Variants in ADAM22 observed in about 807,000 individuals in gnomAD.
The protein encoded by ADAM22 is ADAM metallopeptidase domain 22, also known as disintegrin and metalloproteinase domain-containing protein 22.
In ADAM22, 65 loss-of-function variants were observed where a neutral mutation model predicts 144.6. That is an observed-to-expected ratio of 0.45 (90% confidence interval 0.37 to 0.55). The LOEUF (loss-of-function observed/expected upper bound fraction) is 0.55. Among genes scored for constraint, ADAM22 ranks in the 20% least tolerant of loss-of-function variants. The probability of loss-of-function intolerance (pLI) is 0.00; values close to 1 mark genes in which losing one functional copy is unlikely to be tolerated. For missense variants in ADAM22, 974 were observed against 1,184.9 expected, an observed-to-expected ratio of 0.82 and a Z score of 2.61; for synonymous variants, 391 against 412.6, an observed-to-expected ratio of 0.95 and a Z score of 0.63.
At chr7:88,125,773 G>C (rs138665210) in intron 8 of ADAM22, 114 bp downstream of exon 8, 649 of 847,088 alleles carry the variant, frequency 7.7e-4, no homozygotes, top group Non-Finnish European at 1.0e-3. Context: ...GAATTTGTCA[G>C]GGTGTGATAA....
intron 3 of ADAM22, among the ~76,000 whole-genome samples, chr7:88,069,837 C>T (rs953705282): frequency 1.3e-5 from 2 of 152,122 alleles, no homozygotes; most frequent in South Asian, 2.1e-4. Context: ...AATAGCTACT[C>T]GGCAGTCACT....
intron 6 of ADAM22, among the ~76,000 whole-genome samples, chr7:88,116,323 TATACCA>T (rs1179424275): frequency 8.5e-5 from 13 of 152,180 alleles, no homozygotes; most frequent in Non-Finnish European, 4.4e-5. Flanking sequence ...GACATTTACT[TATACCA>T]GGCATCCTGC....
At chr7:88,074,916 A>G (rs1451211620) in intron 3 of ADAM22, among the ~76,000 whole-genome samples, 1 of 152,160 alleles carries the variant, frequency 6.6e-6, no homozygotes, top group African/African-American at 2.4e-5. Flanking sequence ...CAACACTAGA[A>G]ATTTATAGCT....
intron 7 of ADAM22, among the ~76,000 whole-genome samples, chr7:88,117,617 G>C (rs891351556): frequency 6.6e-6 from 1 of 151,920 alleles, no homozygotes; most frequent in Non-Finnish European, 1.5e-5. Context: ...ACAGCACACT[G>C]AATATCTTTA....
At chr7:88,037,567 C>T (rs998765472) in intron 3 of ADAM22, among the ~76,000 whole-genome samples, 4 of 152,098 alleles carry the variant, frequency 2.6e-5, no homozygotes, top group Non-Finnish European at 5.9e-5. Context: ...ACCTAATTTC[C>T]ATTAGGTCTG....
chr7:88,179,686 C>G lies in ADAM22; in HGVS notation c.2495+557C>G, dbSNP rs759647312. On this transcript the variant is annotated intron_variant, in intron 27 of 31. Transcript: ENST00000413139. ...TAATATATTATTTATGTCTTAGACA[C>G]TGATGCTATATTCTTATTCTAGCAT... 4.7e-4 allele frequency among the ~76,000 whole-genome samples: 71 copies of G among 152,008 alleles called. 3 individuals carry two copies. The highest frequency in any genetic ancestry group is 4.8e-5 in the African/African-American group (2 of 41,416).
At chr7:88,110,771 C>T (rs2129488192) in intron 5 of ADAM22, among the ~76,000 whole-genome samples, 1 of 43,850 alleles carries the variant, frequency 2.3e-5, no homozygotes, top group African/African-American at 8.7e-5. Context: ...CTGTCAGAGT[C>T]TCACTCTGTC....
At chr7:88,076,836 A>C (rs1814664467) in intron 4 of ADAM22, among the ~76,000 whole-genome samples, 1 of 152,200 alleles carries the variant, frequency 6.6e-6, no homozygotes, top group African/African-American at 2.4e-5. Context: ...TGTTCAGACT[A>C]TCTATTCTAC....
chr7:87,945,676 C>G (rs945522181), intron 2 of ADAM22, among the ~76,000 whole-genome samples: 1 of 151,980 alleles, frequency 6.6e-6, no homozygotes, highest in Non-Finnish European at 1.5e-5. Flanking sequence ...CCGCACCCAG[C>G]TAATTTTTTG....
intron 2 of ADAM22, among the ~76,000 whole-genome samples, chr7:87,936,377 T>C (rs1200413772): frequency 1.4e-4 from 22 of 152,226 alleles, no homozygotes; most frequent in Admixed American, 1.4e-3. Context: ...CCATTTTGAC[T>C]CGTTTCAATG....
At chr7:88,046,425 T>C (rs1378732128) in intron 3 of ADAM22, among the ~76,000 whole-genome samples, 1 of 152,226 alleles carries the variant, frequency 6.6e-6, no homozygotes, top group African/African-American at 2.4e-5. Context: ...GTTATTTGTT[T>C]TCTTGTTATT....
chr7:88,006,431 G>A (rs1218140217), intron 3 of ADAM22, among the ~76,000 whole-genome samples: 5 of 152,012 alleles, frequency 3.3e-5, no homozygotes, highest in African/African-American at 7.2e-5. Context: ...TACCAAAGCT[G>A]GGCAGAGACA....
intron 8 of ADAM22, 43 bp downstream of exon 8, chr7:88,125,702 G>A: frequency 6.9e-7 from 1 of 1,444,112 alleles, no homozygotes. Flanking sequence ...TAAAACAATT[G>A]TCAACTGCCA....
At chr7:88,020,441 G>A (rs1286993760) in intron 3 of ADAM22, among the ~76,000 whole-genome samples, 3 of 152,154 alleles carry the variant, frequency 2.0e-5, no homozygotes, top group African/African-American at 7.2e-5. Flanking sequence ...TCCATGCTTG[G>A]AGGAGGATGC....
chr7:88,168,410 TA>T, intron 25 of ADAM22, 183 bp downstream of exon 25: 1 of 662,212 alleles, frequency 1.5e-6, no homozygotes, highest in Middle Eastern at 2.5e-4. Flanking sequence ...CATCATTTTT[TA>T]GATTTTGAGA....
chr7:88,114,058 T>C (rs1827063672), intron 5 of ADAM22, among the ~76,000 whole-genome samples: 1 of 152,082 alleles, frequency 6.6e-6, no homozygotes, highest in Admixed American at 6.6e-5. Context: ...GTGGAAAAGA[T>C]TAAATGAGTG....
At chr7:88,054,133 A>G (rs1807470903) in intron 3 of ADAM22, among the ~76,000 whole-genome samples, 1 of 151,888 alleles carries the variant, frequency 6.6e-6, no homozygotes. Flanking sequence ...CTCCATCTCA[A>G]AAACAAAAAC....
intron 3 of ADAM22, among the ~76,000 whole-genome samples, chr7:88,056,782 G>T (rs1389963216): frequency 2.0e-5 from 3 of 152,126 alleles, no homozygotes; most frequent in Admixed American, 6.6e-5. Context: ...GTAAAATCTG[G>T]CAGGAGAGCA....
chr7:88,080,722 C>T (rs1243142018), intron 4 of ADAM22, among the ~76,000 whole-genome samples: 2 of 152,290 alleles, frequency 1.3e-5, no homozygotes, highest in Non-Finnish European at 1.5e-5. Flanking sequence ...ACAAACACCT[C>T]TATGCAAATA....
Sources: allele counts gnomAD v4.1 joint callset (sites outside exome capture counted in the v4.1 genomes callset), GRCh38; gene constraint gnomAD v4.1.1; transcripts MANE v1.5; gene names NCBI Gene and HGNC (gene_info 2026-07-23, HGNC 2026-07-21).